Variants in RORA observed in about 807,000 individuals in gnomAD.
The protein encoded by RORA is nuclear receptor ROR-alpha.
RORA carries 7 observed loss-of-function variants against 69.5 expected under a neutral mutation model. The observed-to-expected ratio is 0.10, with a 90% confidence interval of 0.06 to 0.19. The LOEUF (loss-of-function observed/expected upper bound fraction) is 0.19, where lower values mean the gene tolerates loss of function less well. RORA is among the 10% of genes least tolerant of loss of function. The pLI is 1.00. For synonymous variants in RORA, 261 were observed against 240.8 expected (o/e 1.08, Z -0.78); for missense variants, 457 against 663.0 (o/e 0.69, Z 3.41).
chr15:61,156,414 C>T (rs1057046031), intron 1 of RORA, among the ~76,000 whole-genome samples: 52 of 152,088 alleles, frequency 3.4e-4, no homozygotes, highest in African/African-American at 1.3e-3. Flanking sequence ...TTTCTGCCCC[C>T]ACAGGCCGGC....
rs148302007 is a variant in RORA, at chr15:61,134,413, G to A, written c.166+94640C>T. ...CCTATGTAAGGTTCTGTGCCTCGGT[G>A]CCTCATTTACAAGGCCAGAGGTTCT... On this transcript the variant is annotated intron_variant, in intron 1 of 10. Coordinates refer to ENST00000335670, the MANE Select transcript of RORA (RefSeq NM_134261.3). Among the ~76,000 whole-genome samples, 898 of 152,278 alleles carry A rather than the reference G, an allele frequency of 5.9e-3. 13 individuals are homozygous for A. Among genetic ancestry groups the A allele is most frequent in the African/African-American group, 0.02 (840 of 41,552 alleles).
chr15:61,090,636 C>T (rs547522834), intron 1 of RORA, among the ~76,000 whole-genome samples: 7 of 152,210 alleles, frequency 4.6e-5, no homozygotes, highest in Non-Finnish European at 1.0e-4. Context: ...TCTTAAATCT[C>T]TAGCCCAGGG....
chr15:61,187,226 A>G (rs1412128400), intron 1 of RORA, among the ~76,000 whole-genome samples: 1 of 152,242 alleles, frequency 6.6e-6, no homozygotes, highest in East Asian at 1.9e-4. Flanking sequence ...AGGGAGACAG[A>G]GAATATCCCC....
intron 1 of RORA, among the ~76,000 whole-genome samples, chr15:61,014,851 C>A (rs561876645): frequency 2.0e-5 from 3 of 152,160 alleles, no homozygotes; most frequent in Non-Finnish European, 4.4e-5. Flanking sequence ...AGGGAACCTG[C>A]GACTTTCCTC....
chr15:60,928,056 AT>A (rs1439773658), intron 1 of RORA, among the ~76,000 whole-genome samples: 1 of 151,968 alleles, frequency 6.6e-6, no homozygotes, highest in Non-Finnish European at 1.5e-5. Context: ...TTTTCCTCCC[AT>A]CCTCCCATCT....
At chr15:60,717,792 T>C (rs1044013834) in intron 1 of RORA, among the ~76,000 whole-genome samples, 18 of 124,414 alleles carry the variant, frequency 1.4e-4, no homozygotes, top group Non-Finnish European at 2.8e-4. Context: ...TTTTTTCTTT[T>C]TCTCTTTTTT....
chr15:60,691,253 T>C (rs903644995), intron 1 of RORA, among the ~76,000 whole-genome samples: 15 of 152,292 alleles, frequency 9.8e-5, no homozygotes, highest in Admixed American at 2.6e-4. Flanking sequence ...TCGCTCTCCC[T>C]GCCCCCCTCT....
chr15:60,735,272 T>G (rs566771745), intron 1 of RORA, among the ~76,000 whole-genome samples: 1 of 152,328 alleles, frequency 6.6e-6, no homozygotes, highest in East Asian at 1.9e-4. Flanking sequence ...CAAGACATAC[T>G]GAACAAAGGA....
intron 1 of RORA, among the ~76,000 whole-genome samples, chr15:61,161,309 T>C (rs2079494017): frequency 6.6e-6 from 1 of 152,172 alleles, no homozygotes. Flanking sequence ...GTCACCTTGA[T>C]CCAGGGTTTG....
intron 2 of RORA, among the ~76,000 whole-genome samples, chr15:60,677,811 G>A (rs1596118125): frequency 6.6e-6 from 1 of 152,150 alleles, no homozygotes; most frequent in East Asian, 1.9e-4. Context: ...TCCACTGCTT[G>A]CCTTAGAAGA....
chr15:61,037,432 A>G (rs1284455370), intron 1 of RORA, among the ~76,000 whole-genome samples: 1 of 152,242 alleles, frequency 6.6e-6, no homozygotes, highest in East Asian at 1.9e-4. Context: ...TATAAGCTGT[A>G]CAGACATCCT....
chr15:60,794,309 C>A (rs1404063681), intron 1 of RORA, among the ~76,000 whole-genome samples: 3 of 152,208 alleles, frequency 2.0e-5, no homozygotes, highest in Admixed American at 1.3e-4. Context: ...CTTGAGAAAC[C>A]TTTTCTCCCT....
chr15:61,109,964 T>C (rs551137869), intron 1 of RORA, among the ~76,000 whole-genome samples: 31 of 152,320 alleles, frequency 2.0e-4, no homozygotes, highest in South Asian at 1.7e-3. Context: ...ATGACAGCGG[T>C]CCCACAGGAT....
chr15:61,008,201 C>CTTTGTG (rs1388505353), intron 1 of RORA, among the ~76,000 whole-genome samples: 2 of 106,710 alleles, frequency 1.9e-5, no homozygotes, highest in African/African-American at 3.1e-5. Context: ...TTCTCTCTCT[C>CTTTGTG]TCTGTGTGTG....
At chr15:61,117,969 A>G (rs1244751168) in intron 1 of RORA, among the ~76,000 whole-genome samples, 1 of 152,202 alleles carries the variant, frequency 6.6e-6, no homozygotes, top group Non-Finnish European at 1.5e-5. Context: ...CCTCCACTTG[A>G]TAACTCTGCA....
rs1595727982 is a variant in RORA, at chr15:60,804,425, C to T, written c.167-125739G>A. ...TCTGGAGGCCCACACGAATCCTCTTCATTTGACAAATTAGGAAACTGAGGC... is the reference window on the plus strand; with the variant it reads ...TCTGGAGGCCCACACGAATCCTCTTTATTTGACAAATTAGGAAACTGAGGC... On this transcript the variant is annotated intron_variant, in intron 1 of 10. Coordinates refer to ENST00000335670, the MANE Select transcript of RORA (RefSeq NM_134261.3). 2.6e-5 allele frequency among the ~76,000 whole-genome samples: 4 copies of T among 152,104 alleles called. No individual in the cohort carries two copies. In the Middle Eastern group the frequency reaches 0.01, roughly 388 times the overall value.
intron 1 of RORA, among the ~76,000 whole-genome samples, chr15:61,031,239 T>C (rs1896152215): frequency 1.3e-5 from 2 of 152,170 alleles, no homozygotes; most frequent in South Asian, 4.1e-4. Flanking sequence ...TGTGAAACAA[T>C]GGGATACTTA....
Position 60,562,431 on chromosome 15 carries a change from TG to T in RORA, c.197-30581del, listed in dbSNP as rs35181714. On this transcript the variant is annotated intron_variant, in intron 2 of 10. Transcript: ENST00000335670. ...TTACATTTTTTTTTTGAGGCGGGGTTGGGGGGGGGTTGCTTTTGTTTTGAGA... is the reference window on the plus strand; with the variant it reads ...TTACATTTTTTTTTTGAGGCGGGGTTGGGGGGGGTTGCTTTTGTTTTGAGA... 1.3e-3 allele frequency among the ~76,000 whole-genome samples: 189 copies of T among 142,770 alleles called. 1 individual carries two copies. Among genetic ancestry groups the T allele is most frequent in the East Asian group, 5.7e-3 (28 of 4,904 alleles). 93.7% of individuals were successfully genotyped at this position (142,770 alleles called of 152,430 possible). A position where few individuals can be genotyped will look rare whatever the true frequency, so the allele number is the denominator to read the frequency against.
Position 60,952,733 on chromosome 15 carries a change from AG to A in RORA, c.167-274048del, listed in dbSNP as rs1893146564. On this transcript the variant is annotated intron_variant, in intron 1 of 10. Transcript: ENST00000335670. Reference sequence around the variant, plus strand: ...AAAATACCTAGGAATCCAACTTACAAGGGATGTGAAGGACCTCTTCAAGGAG... The same window carrying A: ...AAAATACCTAGGAATCCAACTTACAAGGATGTGAAGGACCTCTTCAAGGAG... Among the ~76,000 whole-genome samples the A allele has an allele frequency of 2.7e-5, 4 of 150,490 alleles. 1 individual carries two copies. In the South Asian group the frequency reaches 8.6e-4, roughly 32 times the overall value.
Sources: allele counts gnomAD v4.1 joint callset (sites outside exome capture counted in the v4.1 genomes callset), GRCh38; gene constraint gnomAD v4.1.1; transcripts MANE v1.5; gene names NCBI Gene and HGNC (gene_info 2026-07-23, HGNC 2026-07-21).